CREB5: variants seen among roughly 807,000 people sequenced by gnomAD.
CREB5 encodes cyclic AMP-responsive element-binding protein 5.
In CREB5, 19 loss-of-function variants were observed where a neutral mutation model predicts 57.1. The observed-to-expected ratio is 0.33, with a 90% CI of 0.23 to 0.49. CREB5 has a LOEUF of 0.49. Among genes scored for constraint, CREB5 ranks in the 20% least tolerant of loss-of-function variants. The pLI, the probability that CREB5 is intolerant of heterozygous loss-of-function variation, is 0.99. For missense variants in CREB5, 579 were observed against 671.6 expected (o/e 0.86, Z 1.52); for synonymous variants, 238 against 238.3 (o/e 1.00, Z 0.01).
intron 5 of CREB5, among the ~76,000 whole-genome samples, chr7:28,591,734 T>C (rs1389939623): frequency 2.0e-5 from 3 of 152,188 alleles, no homozygotes; most frequent in African/African-American, 4.8e-5. Context: ...GGGAAGACTA[T>C]ATGGCCTATC....
intron 1 of CREB5, among the ~76,000 whole-genome samples, chr7:28,390,686 G>A (rs1339737139): frequency 6.6e-6 from 1 of 152,230 alleles, no homozygotes; most frequent in Non-Finnish European, 1.5e-5. Flanking sequence ...AGGGACCATA[G>A]GATAAAGACT....
At chr7:28,630,436 A>C (rs951748885) in intron 5 of CREB5, among the ~76,000 whole-genome samples, 4 of 152,184 alleles carry the variant, frequency 2.6e-5, no homozygotes, top group African/African-American at 9.6e-5. Context: ...GTCTGTTTGA[A>C]AATCTTATCC....
chr7:28,573,058 T>C (rs889247912), intron 5 of CREB5, among the ~76,000 whole-genome samples: 7 of 152,094 alleles, frequency 4.6e-5, no homozygotes, highest in Non-Finnish European at 1.0e-4. Flanking sequence ...TCCAAAACCT[T>C]GCCCGGATGA....
chr7:28,349,478 G>A (rs182089077), intron 1 of CREB5, among the ~76,000 whole-genome samples: 3 of 152,010 alleles, frequency 2.0e-5, no homozygotes, highest in Admixed American at 1.3e-4. Context: ...AAGGGAAAGA[G>A]GGGATGTAAG....
At chr7:28,563,466 T>C (rs914918284) in intron 4 of CREB5, among the ~76,000 whole-genome samples, 3 of 152,202 alleles carry the variant, frequency 2.0e-5, no homozygotes, top group Non-Finnish European at 4.4e-5. Flanking sequence ...GTTTTTCTTT[T>C]ATACTATGGT....
chr7:28,331,399 AC>A (rs1430558870), intron 1 of CREB5, among the ~76,000 whole-genome samples: 1 of 152,118 alleles, frequency 6.6e-6, no homozygotes, highest in Non-Finnish European at 1.5e-5. Context: ...CTATAGGTAT[AC>A]CTGTGCTTAT....
At chr7:28,478,481 CA>C (rs1341193869) in intron 1 of CREB5, among the ~76,000 whole-genome samples, 2 of 152,034 alleles carry the variant, frequency 1.3e-5, no homozygotes, top group Non-Finnish European at 2.9e-5. Context: ...GGTTAAGAGG[CA>C]AAAGTTTCCC....
intron 4 of CREB5, among the ~76,000 whole-genome samples, chr7:28,540,800 C>A (rs1378752396): frequency 6.6e-6 from 1 of 152,148 alleles, no homozygotes; most frequent in Non-Finnish European, 1.5e-5. Context: ...GGAGCTCTTG[C>A]AGTAAAAGAC....
intron 1 of CREB5, among the ~76,000 whole-genome samples, chr7:28,437,151 C>T (rs1267395517): frequency 6.6e-6 from 1 of 152,142 alleles, no homozygotes; most frequent in Non-Finnish European, 1.5e-5. Flanking sequence ...TGGCTAAGGA[C>T]TTCACACTAC....
intron 1 of CREB5, among the ~76,000 whole-genome samples, chr7:28,362,560 T>C (rs1013343387): frequency 5.3e-5 from 8 of 152,230 alleles, no homozygotes; most frequent in African/African-American, 1.9e-4. Flanking sequence ...CGAAAGACAA[T>C]ATTTGGAACA....
chr7:28,421,900 T>G (rs1402800486), intron 1 of CREB5, among the ~76,000 whole-genome samples: 1 of 125,400 alleles, frequency 8.0e-6, no homozygotes, highest in Non-Finnish European at 1.8e-5. Flanking sequence ...ATACCATATA[T>G]ATAGAGAGAG....
chr7:28,755,530 T>G (rs1480364416), intron 7 of CREB5, among the ~76,000 whole-genome samples: 3 of 152,184 alleles, frequency 2.0e-5, no homozygotes, highest in Admixed American at 6.5e-5. Context: ...TCATTATCTT[T>G]TAGGCAATAG....
At chr7:28,804,674 C>T in intron 8 of CREB5, 152 bp downstream of exon 8, 1 of 941,312 alleles carries the variant, frequency 1.1e-6, no homozygotes, top group Non-Finnish European at 1.6e-6. Context: ...AGGAGGCAAG[C>T]CTTACCCATA....
chr7:28,653,292 G>T (rs896945814), intron 5 of CREB5, among the ~76,000 whole-genome samples: 94 of 152,210 alleles, frequency 6.2e-4, no homozygotes, highest in African/African-American at 2.2e-3. Context: ...GGCACTTTGG[G>T]GTGATGGGAT....
chr7:28,328,258 A>G (rs982750306), intron 1 of CREB5, among the ~76,000 whole-genome samples: 1 of 152,210 alleles, frequency 6.6e-6, no homozygotes, highest in Non-Finnish European at 1.5e-5. Flanking sequence ...CTCCCTTCTT[A>G]GTAAAATCCA....
intron 1 of CREB5, among the ~76,000 whole-genome samples, chr7:28,430,269 G>C (rs1236806761): frequency 6.6e-6 from 1 of 152,188 alleles, no homozygotes; most frequent in African/African-American, 2.4e-5. Flanking sequence ...TGCTGTGGGA[G>C]GCATCCACTC....
chr7:28,717,293 C>A (rs1391993807), intron 5 of CREB5, among the ~76,000 whole-genome samples: 1 of 151,818 alleles, frequency 6.6e-6, no homozygotes, highest in Non-Finnish European at 1.5e-5. Flanking sequence ...TCTTTATATT[C>A]TTTTATATTT....
chr7:28,516,183 G>A (rs897161929), intron 4 of CREB5, among the ~76,000 whole-genome samples: 13 of 151,956 alleles, frequency 8.6e-5, no homozygotes, highest in Non-Finnish European at 1.3e-4. Flanking sequence ...CACTGTACTC[G>A]ACTGAGTGAC....
intron 7 of CREB5, among the ~76,000 whole-genome samples, chr7:28,780,767 A>G (rs1806928488): frequency 6.6e-6 from 1 of 151,786 alleles, no homozygotes; most frequent in Admixed American, 6.6e-5. Context: ...TTCAACTCTT[A>G]CTCTTGAAAT....
Sources: gnomAD v4.1 joint callset for allele counts (sites outside exome capture counted in the v4.1 genomes callset) on GRCh38, gnomAD v4.1.1 for gene constraint, MANE v1.5 for transcripts, NCBI Gene and HGNC (gene_info 2026-07-23, HGNC 2026-07-21) for gene names.